FBLN2: variants seen among roughly 807,000 people sequenced by gnomAD.
FBLN2 encodes the protein fibulin 2, also known as fibulin-2.
Under a neutral mutation model 123.7 loss-of-function variants are expected in FBLN2, and 81 were observed. The observed-to-expected ratio is 0.65, with a 90% confidence interval of 0.55 to 0.79. The LOEUF (loss-of-function observed/expected upper bound fraction) is 0.79, where lower values mean the gene tolerates loss of function less well. FBLN2 is among the 30% of genes least tolerant of loss of function. The pLI, the probability that FBLN2 is intolerant of heterozygous loss-of-function variation, is 0.00. For synonymous variants in FBLN2, 699 were observed against 701.4 expected (o/e 1.00, Z 0.05); for missense variants, 1,603 against 1,681.3 (o/e 0.95, Z 0.81).
At chr3:13,634,686 C>G (rs1172576596) in intron 16 of FBLN2, among the ~76,000 whole-genome samples, 1 of 152,270 alleles carries the variant, frequency 6.6e-6, no homozygotes, top group African/African-American at 2.4e-5. Flanking sequence ...CTGCGCCACC[C>G]TGGGGCCTAT....
intron 2 of FBLN2, among the ~76,000 whole-genome samples, chr3:13,580,108 C>T (rs560981266): frequency 6.6e-6 from 1 of 152,302 alleles, no homozygotes; most frequent in Middle Eastern, 3.4e-3. Context: ...ATCGACCCTG[C>T]CTAGCTTGTT....
chr3:13,568,939 G>A, intron 1 of FBLN2: 5 of 985,676 alleles, frequency 5.1e-6, no homozygotes, highest in Non-Finnish European at 6.0e-6. Flanking sequence ...CTTTAGAAAT[G>A]GGGCAGGCTT....
At chr3:13,550,179 T>C (rs1301919463) in intron 1 of FBLN2, among the ~76,000 whole-genome samples, 1 of 152,160 alleles carries the variant, frequency 6.6e-6, no homozygotes, top group Non-Finnish European at 1.5e-5. Context: ...TCCTCCCCTG[T>C]CCTAGGGGGT....
chr3:13,609,679 T>TGGGTGGGGGGGGG, intron 4 of FBLN2, 37 bp downstream of exon 4: 1 of 80,284 alleles, frequency 1.2e-5, no homozygotes, highest in East Asian at 7.5e-4. Context: ...CAGGGTGGGG[T>TGGGTGGGGGGGGG]GGGGCGGGGC....
chr3:13,622,550 C>T (rs1408914556), intron 9 of FBLN2, among the ~76,000 whole-genome samples: 5 of 152,310 alleles, frequency 3.3e-5, no homozygotes, highest in Non-Finnish European at 5.9e-5. Flanking sequence ...CGGAGCTCTC[C>T]TCTCTGAGCC....
chr3:13,634,802 G>T (rs1706400542), intron 16 of FBLN2, among the ~76,000 whole-genome samples: 1 of 152,186 alleles, frequency 6.6e-6, no homozygotes, highest in Admixed American at 6.5e-5. Flanking sequence ...CGGTCCGGGG[G>T]TATTGAGTCC....
chr3:13,557,686 G>A (rs1047848323), intron 1 of FBLN2, among the ~76,000 whole-genome samples: 7 of 152,248 alleles, frequency 4.6e-5, no homozygotes, highest in Non-Finnish European at 1.0e-4. Context: ...GCTCTGACCT[G>A]TCACTGTGGA....
Position 13,619,025 on chromosome 3 carries a change from G to T in FBLN2, c.2053+8G>T. 6.3e-7 allele frequency: 1 copy of T among 1,598,318 alleles called. No individual in the cohort carries two copies. Among genetic ancestry groups the T allele is most frequent in the Non-Finnish European group, 8.5e-7 (1 of 1,171,222 alleles). On this transcript the variant is annotated splice_region_variant and intron_variant, in intron 7 of 17. Coordinates refer to ENST00000404922, the MANE Select transcript of FBLN2 (RefSeq NM_001004019.2). ...AGCCCAATACCTGCAAAGGTAAGCA[G>T]TGTGGGTGGTGTCTCCAGGACAGGG...
chr3:13,605,918 T>A (rs1481972001), intron 2 of FBLN2, among the ~76,000 whole-genome samples: 1 of 152,178 alleles, frequency 6.6e-6, no homozygotes, highest in African/African-American at 2.4e-5. Context: ...TCTAGTTTAA[T>A]GGATATTTTA....
chr3:13,622,046 C>T lies in FBLN2; in HGVS notation c.2296+131C>T, dbSNP rs956757241. 4 of 1,110,474 alleles carry T rather than the reference C, an allele frequency of 3.6e-6. No homozygotes were observed. In the African/African-American group the frequency reaches 6.3e-5, roughly 17 times the overall value. 68.8% of individuals were successfully genotyped at this position (1,110,474 alleles called of 1,614,324 possible). A position where few individuals can be genotyped will look rare whatever the true frequency, so the allele number is the denominator to read the frequency against. The stretch of plus-strand genomic sequence containing the variant: ...TGAGCTCTCAGCACAGCCGGCATCT[C>T]CGTGCTCTATGTCGTGCCCTTGTGT... On this transcript the variant is annotated intron_variant, in intron 9 of 17. Transcript: ENST00000404922.
intron 1 of FBLN2, among the ~76,000 whole-genome samples, chr3:13,549,671 A>G (rs1368513359): frequency 7.0e-6 from 1 of 142,268 alleles, no homozygotes; most frequent in African/African-American, 2.6e-5. Flanking sequence ...GTCTAACACT[A>G]CCCCCTCCAT....
At chr3:13,568,076 C>G (rs1174681270) in intron 1 of FBLN2, among the ~76,000 whole-genome samples, 1 of 152,172 alleles carries the variant, frequency 6.6e-6, no homozygotes, top group Non-Finnish European at 1.5e-5. Flanking sequence ...GGGCCCATTC[C>G]TAATGTCAGT....
intron 2 of FBLN2, among the ~76,000 whole-genome samples, chr3:13,591,736 G>C (rs187272830): frequency 1.2e-3 from 179 of 152,246 alleles, no homozygotes; most frequent in African/African-American, 4.1e-3. Context: ...TTTGTGTCCT[G>C]TTTAAGAAAT....
At chr3:13,618,878 C>A (rs1462083450) in intron 6 of FBLN2, 26 bp from the exon 7 acceptor site, 1 of 1,582,510 alleles carries the variant, frequency 6.3e-7, no homozygotes, top group African/African-American at 1.3e-5. Context: ...CTCCCTGCAA[C>A]CCCCACTCTG....
At chr3:13,574,852 C>G (rs777275013) in intron 2 of FBLN2, among the ~76,000 whole-genome samples, 1 of 152,164 alleles carries the variant, frequency 6.6e-6, no homozygotes, top group African/African-American at 2.4e-5. Flanking sequence ...TTGGGCAGCC[C>G]GATCCCCCAC....
At chr3:13,621,654 G>A (rs757140425) in intron 8 of FBLN2, 121 bp from the exon 9 acceptor site, 19 of 1,030,918 alleles carry the variant, frequency 1.8e-5, no homozygotes, top group Non-Finnish European at 2.0e-5. Context: ...ACAGTCAGGC[G>A]GGGAGGCCCC....
At chr3:13,578,996 G>C (rs558550558) in intron 2 of FBLN2, among the ~76,000 whole-genome samples, 1 of 152,284 alleles carries the variant, frequency 6.6e-6, no homozygotes, top group African/African-American at 2.4e-5. Context: ...CGGAGGTTGT[G>C]GTGAGCCACG....
chr3:13,610,731 A>T (rs956422979), intron 4 of FBLN2, among the ~76,000 whole-genome samples: 2 of 151,954 alleles, frequency 1.3e-5, no homozygotes, highest in African/African-American at 4.8e-5. Flanking sequence ...TTTTTCTCTC[A>T]TATGCTGCAG....
chr3:13,560,770 AT>A (rs1703581973), intron 1 of FBLN2, among the ~76,000 whole-genome samples: 1 of 151,760 alleles, frequency 6.6e-6, no homozygotes, highest in Non-Finnish European at 1.5e-5. Flanking sequence ...CTTTTTCTGG[AT>A]TACTGCAATG....
Sources: allele counts gnomAD v4.1 joint callset (sites outside exome capture counted in the v4.1 genomes callset), GRCh38; gene constraint gnomAD v4.1.1; transcripts MANE v1.5; gene names NCBI Gene and HGNC (gene_info 2026-07-23, HGNC 2026-07-21).